EXOC6B: variants seen among roughly 807,000 people sequenced by gnomAD.
EXOC6B encodes SEC15 homolog B.
In EXOC6B, 54 loss-of-function variants were observed where a neutral mutation model predicts 113.5. That is an observed-to-expected ratio of 0.48 (90% CI 0.38 to 0.60). The LOEUF is 0.60. Among genes scored for constraint, EXOC6B ranks in the 20% least tolerant of loss-of-function variants. The pLI is 0.00. For synonymous variants in EXOC6B, 357 were observed against 339.0 expected, an observed-to-expected ratio of 1.05 and a Z score of -0.58; for missense variants, 797 against 977.5, an observed-to-expected ratio of 0.82 and a Z score of 2.46.
intron 1 of EXOC6B, among the ~76,000 whole-genome samples, chr2:72,777,622 T>C (rs1558993696): frequency 6.6e-6 from 1 of 151,968 alleles, no homozygotes; most frequent in Non-Finnish European, 1.5e-5. Flanking sequence ...CTCAAATCTA[T>C]ACAAAGAAAT....
At chr2:72,188,482 C>T (rs1399440892) in intron 20 of EXOC6B, among the ~76,000 whole-genome samples, 4 of 152,192 alleles carry the variant, frequency 2.6e-5, no homozygotes, top group Non-Finnish European at 5.9e-5. Context: ...ATGGCCTTCT[C>T]TGAGACAGAT....
intron 6 of EXOC6B, among the ~76,000 whole-genome samples, chr2:72,615,052 T>C (rs758943545): frequency 5.9e-5 from 9 of 151,676 alleles, no homozygotes; most frequent in African/African-American, 9.7e-5. Flanking sequence ...CAGAACAAAA[T>C]ATTTAAATGG....
At chr2:72,317,559 T>TCACACACACACACACACACACACA (rs72124979) in intron 20 of EXOC6B, among the ~76,000 whole-genome samples, 12 of 140,688 alleles carry the variant, frequency 8.5e-5, no homozygotes, top group African/African-American at 3.1e-4. Context: ...TATGAACACA[T>TCACACACACACACACACACACACA]CACACACACA....
intron 18 of EXOC6B, among the ~76,000 whole-genome samples, chr2:72,424,864 G>C (rs1377978642): frequency 6.6e-6 from 1 of 151,654 alleles, no homozygotes; most frequent in Non-Finnish European, 1.5e-5. Flanking sequence ...AAGTTCAGGG[G>C]TACATGTGCA....
In EXOC6B at chr2:72,465,577, A is replaced by G. The variant is rs902976703; in HGVS notation, c.1801-238T>C. 5.3e-5 allele frequency among the ~76,000 whole-genome samples: 8 copies of G among 152,364 alleles called. No homozygotes were observed. In the East Asian group the frequency reaches 1.5e-3, roughly 29 times the overall value. ...AAAATGAAAGCAGAATGCCCAGATC[A>G]TATAAGTTTGACATACCTATATAAA... On this transcript the variant is annotated intron_variant, in intron 17 of 21. Coordinates refer to ENST00000272427, the MANE Select transcript of EXOC6B (RefSeq NM_015189.3).
chr2:72,497,012 C>T (rs1700072695), intron 13 of EXOC6B, among the ~76,000 whole-genome samples: 1 of 149,836 alleles, frequency 6.7e-6, no homozygotes, highest in Middle Eastern at 3.3e-3. Context: ...CTCGCTCTGT[C>T]ACCCAGGCTG....
At chr2:72,204,467 A>T (rs1270466086) in intron 20 of EXOC6B, among the ~76,000 whole-genome samples, 2 of 152,016 alleles carry the variant, frequency 1.3e-5, no homozygotes, top group Non-Finnish European at 2.9e-5. Flanking sequence ...CCAGGCCAAG[A>T]TTAGCGTGAG....
intron 18 of EXOC6B, among the ~76,000 whole-genome samples, chr2:72,411,297 G>A (rs1694170696): frequency 6.6e-6 from 1 of 152,086 alleles, no homozygotes; most frequent in Non-Finnish European, 1.5e-5. Flanking sequence ...CAAAAAAAAG[G>A]AAATCTCTTG....
intron 6 of EXOC6B, among the ~76,000 whole-genome samples, chr2:72,637,889 A>G (rs1252364637): frequency 6.6e-6 from 1 of 152,192 alleles, no homozygotes; most frequent in Non-Finnish European, 1.5e-5. Context: ...GTTTAGAGCA[A>G]AAGTAGTATA....
At chr2:72,681,256 T>G in intron 6 of EXOC6B, among the ~76,000 whole-genome samples, 1 of 152,194 alleles carries the variant, frequency 6.6e-6, no homozygotes, top group East Asian at 1.9e-4. Context: ...TTGCCTGGAA[T>G]AGAATTTCAC....
intron 18 of EXOC6B, among the ~76,000 whole-genome samples, chr2:72,421,132 T>C (rs1694843832): frequency 6.6e-6 from 1 of 152,236 alleles, no homozygotes; most frequent in South Asian, 2.1e-4. Context: ...AGATTCTGGA[T>C]ATTAGCCCTT....
chr2:72,193,005 C>G (rs1259091790), intron 20 of EXOC6B, among the ~76,000 whole-genome samples: 1 of 152,208 alleles, frequency 6.6e-6, no homozygotes, highest in Non-Finnish European at 1.5e-5. Context: ...CTTTCACTAA[C>G]ATACAGAACA....
intron 8 of EXOC6B, among the ~76,000 whole-genome samples, chr2:72,553,329 T>C (rs1703346719): frequency 1.3e-5 from 2 of 152,092 alleles, no homozygotes; most frequent in Non-Finnish European, 2.9e-5. Context: ...GATCTTCCTC[T>C]TCCATGACTG....
intron 19 of EXOC6B, among the ~76,000 whole-genome samples, chr2:72,357,889 T>A (rs759062366): frequency 1.8e-4 from 28 of 152,148 alleles, no homozygotes; most frequent in Admixed American, 5.9e-4. Flanking sequence ...TGTAGCAGGC[T>A]ATATACCATT....
At chr2:72,480,003 G>A (rs1460971387) in intron 17 of EXOC6B, among the ~76,000 whole-genome samples, 2 of 152,036 alleles carry the variant, frequency 1.3e-5, no homozygotes, top group African/African-American at 4.8e-5. Context: ...AGGAATTCGA[G>A]ACCAGCCTGG....
chr2:72,498,652 C>T, intron 12 of EXOC6B, 101 bp from the exon 13 acceptor site: 1 of 627,160 alleles, frequency 1.6e-6, no homozygotes, highest in South Asian at 2.2e-5. Context: ...TACTGAAAAA[C>T]ATTACATTCT....
intron 6 of EXOC6B, among the ~76,000 whole-genome samples, chr2:72,656,920 C>T (rs574470840): frequency 2.0e-5 from 3 of 152,048 alleles, no homozygotes; most frequent in East Asian, 1.9e-4. Context: ...GGAGTGATCT[C>T]GGCTCACTGC....
Position 72,379,750 on chromosome 2 carries a change from A to C in EXOC6B, c.2101T>G (p.Leu701Val). 6.2e-7 allele frequency: 1 copy of C among 1,612,216 alleles called. No individual in the cohort carries two copies. The highest frequency in any genetic ancestry group is 8.5e-7 in the Non-Finnish European group (1 of 1,178,988). ...LTLGALQQFN[L>V]DVRECEQFAR... ...TTACGTTCACATTCTCTGACGTCCA[A>C]GTTGAACTGCTGTAATGCTCCCAAG... Residue 701 changes from leucine to valine, a missense_variant, in exon 19 of 22, where the codon TTG (leucine) becomes GTG (valine). Leu to Val is a conservative substitution (Grantham distance 32, BLOSUM62 1). Transcript: ENST00000272427.
chr2:72,265,493 A>G (rs1237724880), intron 20 of EXOC6B, among the ~76,000 whole-genome samples: 1 of 150,142 alleles, frequency 6.7e-6, no homozygotes, highest in Non-Finnish European at 1.5e-5. Context: ...TCTGAGTGAG[A>G]ACATGCAGTG....
Sources: allele counts gnomAD v4.1 joint callset (sites outside exome capture counted in the v4.1 genomes callset), GRCh38; gene constraint gnomAD v4.1.1; transcripts MANE v1.5; gene names NCBI Gene and HGNC (gene_info 2026-07-23, HGNC 2026-07-21).